The following TGFA variants were observed in gnomAD, a reference collection of about 807,000 sequenced individuals.
The protein encoded by TGFA is protransforming growth factor alpha.
In TGFA, 12 loss-of-function variants were observed where a neutral mutation model predicts 21.7. The ratio of observed to expected loss-of-function variants is 0.55; its 90% CI spans 0.35 to 0.90. The LOEUF is 0.90. Ranked by LOEUF, TGFA falls within the 40% of genes least tolerant of loss-of-function variation. The pLI, the probability that TGFA is intolerant of heterozygous loss-of-function variation, is 0.01. For synonymous variants in TGFA, 79 were observed against 88.1 expected (o/e 0.90, Z 0.58); for missense variants, 178 against 210.8 (o/e 0.84, Z 0.96).
chr2:70,480,615 A>T (rs781803179), intron 2 of TGFA, among the ~76,000 whole-genome samples: 1 of 152,132 alleles, frequency 6.6e-6, no homozygotes, highest in Non-Finnish European at 1.5e-5. Context: ...GACCAATATA[A>T]CAGTGCCTCG....
chr2:70,510,155 C>T lies in TGFA; in HGVS notation c.94+4704G>A, dbSNP rs111401223. 7.0e-3 allele frequency among the ~76,000 whole-genome samples: 1,073 copies of T among 152,332 alleles called. 21 individuals are homozygous for T. Among genetic ancestry groups the T allele is most frequent in the African/African-American group, 0.024 (990 of 41,572 alleles). On this transcript the variant is annotated intron_variant, in intron 2 of 5. Transcript: ENST00000295400. ...CGTATCATTGTGACACATTCCCCCA[C>T]GGGTTCCCATGCTGTCTTTTCTCAC... is the stretch of plus-strand genomic sequence containing the variant.
rs1553493954 is a variant in TGFA, at chr2:70,474,998, G to GTGTA, written c.95-9263_95-9262insTACA. ...TGTGTGTGTGTGTGTGTGTGTGTGT[G>GTGTA]TGTGTGTACTGGGAAAAAAGATAGA... On this transcript the variant is annotated intron_variant, in intron 2 of 5. Transcript: ENST00000295400. Among the ~76,000 whole-genome samples the GTGTA allele has an allele frequency of 3.3e-5, 5 of 152,060 alleles. 1 individual carries two copies. In the East Asian group the frequency reaches 9.7e-4, roughly 29 times the overall value.
chr2:70,522,595 G>A (rs1001889219), intron 1 of TGFA, among the ~76,000 whole-genome samples: 6 of 151,990 alleles, frequency 3.9e-5, no homozygotes, highest in African/African-American at 9.7e-5. Flanking sequence ...CATCACACCC[G>A]GCTAATTTTT....
At chr2:70,553,616 T>A (rs1673585211) in intron 1 of TGFA, 112 bp downstream of exon 1, 4 of 1,309,780 alleles carry the variant, frequency 3.1e-6, no homozygotes, top group Non-Finnish European at 3.9e-6. Context: ...ACTACTCGCT[T>A]CTCTCCACTC....
rs2103648300 is a variant in TGFA, at chr2:70,450,526, G to A, written c.*333C>T. The A allele has an allele frequency of 3.7e-6, 1 of 273,470 alleles. No homozygotes were observed. Among genetic ancestry groups the A allele is most frequent in the Non-Finnish European group, 6.9e-6 (1 of 143,978 alleles). 16.9% of individuals were successfully genotyped at this position (273,470 alleles called of 1,614,324 possible). ...AGAAATATATAGCCTGGAATCCATG[G>A]CTGGCAGAAGACAACTGCACACATG... is the stretch of plus-strand genomic sequence containing the variant. On this transcript the variant is annotated 3_prime_UTR_variant, in exon 6 of 6. Transcript: ENST00000295400.
At chr2:70,504,453 T>TATACATAC (rs1553499750) in intron 2 of TGFA, among the ~76,000 whole-genome samples, 1 of 75,206 alleles carries the variant, frequency 1.3e-5, no homozygotes, top group East Asian at 4.3e-4. Flanking sequence ...TATATATATA[T>TATACATAC]ATATATATAT....
rs1553507087 is a variant in TGFA, at chr2:70,553,204, G to GA, written c.40+523dup. ...CCTACCCCCAAAGCTCAAGAGCTCT[G>GA]AAAAGAGATCGAGGGCGCCTCTGCC... On this transcript the variant is annotated intron_variant, in intron 1 of 5. Coordinates refer to ENST00000295400, the MANE Select transcript of TGFA (RefSeq NM_003236.4). The GA allele has an allele frequency of 2.6e-6, 4 of 1,536,190 alleles. No homozygotes were observed. In the African/African-American group the frequency reaches 4.1e-5, roughly 16 times the overall value.
At chr2:70,502,252 G>A (rs1553499286) in intron 2 of TGFA, among the ~76,000 whole-genome samples, 1 of 152,224 alleles carries the variant, frequency 6.6e-6, no homozygotes, top group East Asian at 1.9e-4. Context: ...AAAGCTCAGT[G>A]TTTTGGCATC....
At chr2:70,478,673 C>T (rs782730739) in intron 2 of TGFA, among the ~76,000 whole-genome samples, 42 of 152,226 alleles carry the variant, frequency 2.8e-4, no homozygotes, top group Non-Finnish European at 5.1e-4. Context: ...AAAAGTTATG[C>T]ATCTTCATTG....
intron 1 of TGFA, among the ~76,000 whole-genome samples, chr2:70,545,296 A>T (rs1559145766): frequency 6.6e-6 from 1 of 152,212 alleles, no homozygotes; most frequent in Non-Finnish European, 1.5e-5. Context: ...AGGAAGAAGA[A>T]GAAAGCATAT....
At chr2:70,473,783 T>C (rs557057961) in intron 2 of TGFA, among the ~76,000 whole-genome samples, 1 of 152,110 alleles carries the variant, frequency 6.6e-6, no homozygotes, top group African/African-American at 2.4e-5. Flanking sequence ...TATAAAACCA[T>C]TTGAAAACAG....
At chr2:70,491,514 C>A (rs1346969356) in intron 2 of TGFA, among the ~76,000 whole-genome samples, 5 of 152,216 alleles carry the variant, frequency 3.3e-5, no homozygotes, top group African/African-American at 1.2e-4. Context: ...GGATTGTGAA[C>A]TGGCCTATAT....
intron 1 of TGFA, among the ~76,000 whole-genome samples, chr2:70,520,351 C>T (rs1672408746): frequency 6.6e-6 from 1 of 152,020 alleles, no homozygotes; most frequent in African/African-American, 2.4e-5. Flanking sequence ...CCGGACTCCA[C>T]TAAAAATACA....
chr2:70,494,571 T>C (rs1671525935), intron 2 of TGFA, among the ~76,000 whole-genome samples: 1 of 152,242 alleles, frequency 6.6e-6, no homozygotes, highest in African/African-American at 2.4e-5. Context: ...TTCAGCCTTA[T>C]GATAAGTATT....
intron 1 of TGFA, among the ~76,000 whole-genome samples, chr2:70,532,118 T>A (rs928311453): frequency 2.0e-5 from 3 of 152,206 alleles, no homozygotes; most frequent in African/African-American, 7.2e-5. Context: ...GGTTTTTATA[T>A]AAACAAAGTT....
At chr2:70,539,493 C>T (rs576056193) in intron 1 of TGFA, among the ~76,000 whole-genome samples, 28 of 152,280 alleles carry the variant, frequency 1.8e-4, no homozygotes, top group African/African-American at 6.3e-4. Flanking sequence ...CTCACTCTGT[C>T]GCCCAGGCTG....
At chr2:70,552,256 T>C (rs1673534981) in intron 1 of TGFA, among the ~76,000 whole-genome samples, 1 of 152,212 alleles carries the variant, frequency 6.6e-6, no homozygotes, top group African/African-American at 2.4e-5. Flanking sequence ...CCGGTTGGTG[T>C]GAAAACTGCA....
rs561529365 is a variant in TGFA at position 70,552,579 on chromosome 2, G to C, written c.40+1149C>G. ...GCTGGGAGCATCCGGTTCCAAGACT[G>C]CCTTGTATTTCTCTTACAGGATGCC... On this transcript the variant is annotated intron_variant, in intron 1 of 5. Transcript: ENST00000295400. 1.4e-4 allele frequency among the ~76,000 whole-genome samples: 22 copies of C among 152,310 alleles called. 1 individual carries two copies. The highest frequency in any genetic ancestry group is 1.2e-3 in the Admixed American group (19 of 15,304).
chr2:70,453,385 T>C (rs1282172861), intron 4 of TGFA, 58 bp from the exon 5 acceptor site: 5 of 1,516,194 alleles, frequency 3.3e-6, no homozygotes, highest in Non-Finnish European at 3.6e-6. Flanking sequence ...GCCAGGGTGG[T>C]ACAGCATCTG....
Sources: allele counts gnomAD v4.1 joint callset (sites outside exome capture counted in the v4.1 genomes callset), GRCh38; gene constraint gnomAD v4.1.1; transcripts MANE v1.5; gene names NCBI Gene and HGNC (gene_info 2026-07-23, HGNC 2026-07-21).